Variants in MGAT5B observed in about 807,000 individuals in gnomAD.
The protein encoded by MGAT5B is alpha-1,6-mannosylglycoprotein 6-beta-N-acetylglucosaminyltransferase B.
In MGAT5B, 54 loss-of-function variants were observed where a neutral mutation model predicts 95.1. That is an observed-to-expected ratio of 0.57 (90% CI 0.46 to 0.71). The LOEUF (loss-of-function observed/expected upper bound fraction) is 0.71. MGAT5B is among the 30% of genes least tolerant of loss of function. The pLI is 0.00. For synonymous variants in MGAT5B, 464 were observed against 451.0 expected (o/e 1.03, Z -0.36); for missense variants, 935 against 1,088.6 (o/e 0.86, Z 1.99).
intron 3 of MGAT5B, among the ~76,000 whole-genome samples, chr17:76,887,872 A>C (rs1452242927): frequency 1.3e-5 from 2 of 151,600 alleles, no homozygotes; most frequent in African/African-American, 2.4e-5. Flanking sequence ...GGGTCTTTCT[A>C]AGTCATCAAT....
At position 76,948,917 on chromosome 17, in the gene MGAT5B, C is replaced by A; in HGVS notation, c.*79C>A. The A allele has an allele frequency of 1.4e-6, 2 of 1,436,524 alleles. No individual in the cohort carries two copies. The highest frequency in any genetic ancestry group is 2.6e-5 in the South Asian group (2 of 75,474). 89.0% of individuals were successfully genotyped at this position (1,436,524 alleles called of 1,614,324 possible). On this transcript the variant is annotated 3_prime_UTR_variant, in exon 18 of 18. Coordinates refer to ENST00000569840, the MANE Select transcript of MGAT5B (RefSeq NM_001199172.2). The stretch of plus-strand genomic sequence containing the variant: ...AGAAAGCACCAGCAGGTTCTGAGCC[C>A]TGGCTGCTTGTCCTCCTCGCAACCC...
At chr17:76,946,610 T>C (rs1267142106) in intron 16 of MGAT5B, among the ~76,000 whole-genome samples, 160 bp downstream of exon 16, 2 of 152,210 alleles carry the variant, frequency 1.3e-5, no homozygotes, top group Non-Finnish European at 2.9e-5. Context: ...CCCTCAGGGC[T>C]GGAGACAGGC....
In MGAT5B at chr17:76,918,063, A is replaced by C. The variant is rs1968998546; in HGVS notation, c.1026-6903A>C. On this transcript the variant is annotated intron_variant, in intron 8 of 17. Coordinates refer to ENST00000569840, the MANE Select transcript of MGAT5B (RefSeq NM_001199172.2). The surrounding 1 kb of genome is among the most constrained non-coding windows in gnomAD (Gnocchi z 5.1). ...CTGGGAGCATGGCCCTATTCTTAGC[A>C]CTGAGTTTGCTTGCTAGGAAAGAAC... Among the ~76,000 whole-genome samples the C allele has an allele frequency of 1.3e-5, 2 of 152,088 alleles. No homozygotes were observed. Among genetic ancestry groups the C allele is most frequent in the Non-Finnish European group, 2.9e-5 (2 of 68,012 alleles).
chr17:76,906,820 G>A lies in MGAT5B; in HGVS notation c.1025+633G>A. Among the ~76,000 whole-genome samples the A allele has an allele frequency of 6.6e-6, 1 of 152,010 alleles. No individual in the cohort carries two copies. The highest frequency in any genetic ancestry group is 1.9e-4 in the East Asian group (1 of 5,190). ...TTAATCACTGTTTCTGTGGGATGTA[G>A]GAATACAGGAGATTCTTCTCTTTAT... On this transcript the variant is annotated intron_variant, in intron 8 of 17. Coordinates refer to ENST00000569840, the MANE Select transcript of MGAT5B (RefSeq NM_001199172.2). The surrounding 1 kb of genome is among the most constrained non-coding windows in gnomAD (Gnocchi z 4.6).
intron 12 of MGAT5B, 25 bp downstream of exon 12, chr17:76,933,322 C>G (rs1182563335): frequency 1.3e-6 from 2 of 1,598,112 alleles, no homozygotes; most frequent in African/African-American, 1.3e-5. Context: ...TGCCGCCTGC[C>G]CCCTCTACCC....
rs566998043 is a variant in MGAT5B at position 76,890,200 on chromosome 17, C to T, written c.329+7902C>T. 6.6e-5 allele frequency among the ~76,000 whole-genome samples: 10 copies of T among 152,320 alleles called. 1 individual carries two copies. The South Asian group carries it at 8.3e-4, about 13-fold the overall frequency. The stretch of plus-strand genomic sequence containing the variant: ...TCAGAAGGGGCTGCAGTCCTGTCCT[C>T]GGTCCCTCTGAGCCATTGAAACCTC... On this transcript the variant is annotated intron_variant, in intron 3 of 17. Transcript: ENST00000569840.
At chr17:76,913,983 C>G (rs1968836844) in intron 8 of MGAT5B, 1 of 349,838 alleles carries the variant, frequency 2.9e-6, no homozygotes. Flanking sequence ...CGCCTGTGGT[C>G]CCAGCTACTC....
At chr17:76,944,775 A>G (rs62077205) in intron 15 of MGAT5B, among the ~76,000 whole-genome samples, 31,908 of 152,248 alleles carry the variant, frequency 0.21, 3,634 homozygotes, top group Admixed American at 0.29. Context: ...CCCCTTGGCC[A>G]GAGGCCCCAG....
intron 8 of MGAT5B, among the ~76,000 whole-genome samples, chr17:76,920,815 G>A (rs1969103003): frequency 6.6e-6 from 1 of 152,278 alleles, no homozygotes; most frequent in East Asian, 1.9e-4. Flanking sequence ...TCACCCCTGG[G>A]CCCCTCACTC....
In MGAT5B at chr17:76,915,067, A is replaced by G. The variant is rs1968877913; in HGVS notation, c.1025+8880A>G. ...AGTCACATTCACAGGTACGGGGATT[A>G]GGACTTCACCCTCCTTCAGCGGCCA... On this transcript the variant is annotated intron_variant, in intron 8 of 17. Transcript: ENST00000569840. This position sits in a 1 kb window ranked among gnomAD's most constrained non-coding sequence, Gnocchi z 8.7. 6.6e-6 allele frequency among the ~76,000 whole-genome samples: 1 copy of G among 152,256 alleles called. No individual in the cohort carries two copies. Among genetic ancestry groups the G allele is most frequent in the South Asian group, 2.1e-4 (1 of 4,838 alleles).
chr17:76,872,216 G>T (rs1447158400), intron 1 of MGAT5B, among the ~76,000 whole-genome samples: 1 of 152,150 alleles, frequency 6.6e-6, no homozygotes, highest in African/African-American at 2.4e-5. Context: ...TGGGCCGTGT[G>T]GCTCTGCCCT....
At chr17:76,888,964 G>C (rs1486744995) in intron 3 of MGAT5B, among the ~76,000 whole-genome samples, 1 of 152,232 alleles carries the variant, frequency 6.6e-6, no homozygotes, top group East Asian at 1.9e-4. Context: ...TTGGGACAGT[G>C]CCCGGAGGCT....
At chr17:76,910,920 T>C (rs1968710127) in intron 8 of MGAT5B, among the ~76,000 whole-genome samples, 1 of 152,234 alleles carries the variant, frequency 6.6e-6, no homozygotes, top group South Asian at 2.1e-4. Flanking sequence ...TTTCTAAATC[T>C]GCTACCAAAT....
intron 15 of MGAT5B, 139 bp from the exon 16 acceptor site, chr17:76,946,237 G>A (rs1970025284): frequency 1.6e-6 from 1 of 636,386 alleles, no homozygotes; most frequent in Admixed American, 3.0e-5. Flanking sequence ...GAAGGGCCAG[G>A]TGGATGGGGT....
In MGAT5B at chr17:76,918,584, C is replaced by T. The variant is rs1197162478; in HGVS notation, c.1026-6382C>T. Among the ~76,000 whole-genome samples the T allele has an allele frequency of 2.6e-5, 4 of 152,204 alleles. No homozygotes were observed. The highest frequency in any genetic ancestry group is 4.4e-5 in the Non-Finnish European group (3 of 68,038). ...CTTCCTAAAGCAGCTCATTAGATGT[C>T]CAGTTCAACCTCTGAGTTTCTTCTT... is the stretch of plus-strand genomic sequence containing the variant. On this transcript the variant is annotated intron_variant, in intron 8 of 17. Coordinates refer to ENST00000569840, the MANE Select transcript of MGAT5B (RefSeq NM_001199172.2). This position sits in a 1 kb window ranked among gnomAD's most constrained non-coding sequence, Gnocchi z 5.1.
chr17:76,915,992 G>A lies in MGAT5B; in HGVS notation c.1026-8974G>A, dbSNP rs1355100142. On this transcript the variant is annotated intron_variant, in intron 8 of 17. Transcript: ENST00000569840. This position sits in a 1 kb window ranked among gnomAD's most constrained non-coding sequence, Gnocchi z 8.7. ...AAGACCTACCTAGACTGCGGGTAAG[G>A]GGACAGAGAGGGAGCAGGCGCCGGC... is the stretch of plus-strand genomic sequence containing the variant. Among the ~76,000 whole-genome samples the A allele has an allele frequency of 1.3e-5, 2 of 152,248 alleles. No homozygotes were observed. Among genetic ancestry groups the A allele is most frequent in the African/African-American group, 2.4e-5 (1 of 41,468 alleles).
chr17:76,888,518 AC>A (rs1967748344), intron 3 of MGAT5B, among the ~76,000 whole-genome samples: 1 of 152,092 alleles, frequency 6.6e-6, no homozygotes, highest in Non-Finnish European at 1.5e-5. Flanking sequence ...CCCAGCAAGC[AC>A]CCTAGCCAGC....
At chr17:76,944,711 T>C (rs1969981015) in intron 15 of MGAT5B, among the ~76,000 whole-genome samples, 1 of 152,178 alleles carries the variant, frequency 6.6e-6, no homozygotes, top group Non-Finnish European at 1.5e-5. Context: ...AATGTCCGGC[T>C]TCAAGGACAT....
intron 15 of MGAT5B, chr17:76,944,223 G>C (rs960755257): frequency 6.9e-6 from 1 of 145,474 alleles, no homozygotes; most frequent in Non-Finnish European, 1.5e-5. Flanking sequence ...CCTCCGGCAG[G>C]AGATTCGTGG....
Sources: allele counts gnomAD v4.1 joint callset (sites outside exome capture counted in the v4.1 genomes callset), GRCh38; gene constraint gnomAD v4.1.1; non-coding constraint Gnocchi (gnomAD v3.1); transcripts MANE v1.5; gene names NCBI Gene and HGNC (gene_info 2026-07-23, HGNC 2026-07-21).